Variants in CNTNAP2 observed in about 807,000 individuals in gnomAD.
CNTNAP2 encodes the protein contactin-associated protein-like 2.
Under a neutral mutation model 155.2 loss-of-function variants are expected in CNTNAP2, and 98 were observed. The ratio of observed to expected loss-of-function variants is 0.63; its 90% CI spans 0.54 to 0.75. The LOEUF (loss-of-function observed/expected upper bound fraction) is 0.75, where lower values mean the gene tolerates loss of function less well. CNTNAP2 is among the 30% of genes least tolerant of loss of function. CNTNAP2 has a pLI of 0.00. For missense variants in CNTNAP2, 1,727 were observed against 1,688.1 expected (o/e 1.02, Z -0.40); for synonymous variants, 651 against 631.2 (o/e 1.03, Z -0.47).
At chr7:147,303,606 C>G (rs1794979923) in intron 9 of CNTNAP2, among the ~76,000 whole-genome samples, 1 of 152,184 alleles carries the variant, frequency 6.6e-6, no homozygotes, top group Non-Finnish European at 1.5e-5. Flanking sequence ...TGTTCTAAAA[C>G]ACGAGCTTTG....
intron 8 of CNTNAP2, among the ~76,000 whole-genome samples, chr7:147,230,109 A>G (rs1253660428): frequency 2.0e-5 from 3 of 152,214 alleles, no homozygotes; most frequent in South Asian, 2.1e-4. Flanking sequence ...CACATGTTAA[A>G]TGAAGAACAC....
chr7:147,612,521 C>T (rs1050090322), intron 12 of CNTNAP2, among the ~76,000 whole-genome samples: 4 of 151,688 alleles, frequency 2.6e-5, no homozygotes, highest in African/African-American at 9.7e-5. Context: ...CTGCCTCAGC[C>T]TCTTAAGTAG....
intron 1 of CNTNAP2, among the ~76,000 whole-genome samples, chr7:146,634,245 C>T (rs924171659): frequency 1.3e-5 from 2 of 152,164 alleles, no homozygotes; most frequent in South Asian, 4.1e-4. Flanking sequence ...GAGTATTTTA[C>T]TTCAAAATAT....
intron 1 of CNTNAP2, among the ~76,000 whole-genome samples, chr7:146,692,046 G>C (rs751070122): frequency 1.3e-5 from 2 of 152,072 alleles, no homozygotes; most frequent in Non-Finnish European, 2.9e-5. Context: ...AAATTGGTCA[G>C]AGATGACAGT....
chr7:147,587,752 G>T (rs1800658364), intron 12 of CNTNAP2, among the ~76,000 whole-genome samples: 1 of 152,136 alleles, frequency 6.6e-6, no homozygotes, highest in Admixed American at 6.6e-5. Flanking sequence ...TATTTTACTT[G>T]GAACCTTATG....
chr7:148,150,102 CAA>C (rs71188948), intron 17 of CNTNAP2, among the ~76,000 whole-genome samples: 1,053 of 84,428 alleles, frequency 0.012, 4 homozygotes, highest in African/African-American at 0.04. Context: ...GGGGTTGTTA[CAA>C]AAAAAAAAAA....
At chr7:146,483,166 C>T (rs1584945702) in intron 1 of CNTNAP2, among the ~76,000 whole-genome samples, 1 of 149,532 alleles carries the variant, frequency 6.7e-6, no homozygotes, top group Admixed American at 6.7e-5. Flanking sequence ...GTCTCAGCTA[C>T]TCGGGGGGCT....
At chr7:146,233,538 A>C (rs1450825468) in intron 1 of CNTNAP2, among the ~76,000 whole-genome samples, 1 of 152,014 alleles carries the variant, frequency 6.6e-6, no homozygotes, top group Non-Finnish European at 1.5e-5. Flanking sequence ...ATATGTATAC[A>C]TGTGCCATGC....
intron 21 of CNTNAP2, among the ~76,000 whole-genome samples, chr7:148,342,706 C>T (rs577159854): frequency 6.6e-6 from 1 of 152,294 alleles, no homozygotes; most frequent in Admixed American, 6.5e-5. Flanking sequence ...TTCATTGTGG[C>T]CACAGGAAGA....
chr7:146,999,438 A>G (rs948817644), intron 3 of CNTNAP2, among the ~76,000 whole-genome samples: 1 of 152,008 alleles, frequency 6.6e-6, no homozygotes, highest in Non-Finnish European at 1.5e-5. Context: ...TTGCTACACC[A>G]TCATAGAGTA....
At chr7:146,400,201 A>G (rs747573377) in intron 1 of CNTNAP2, among the ~76,000 whole-genome samples, 2 of 151,974 alleles carry the variant, frequency 1.3e-5, no homozygotes, top group Non-Finnish European at 2.9e-5. Context: ...TTAACTATTC[A>G]TGGAAACTTC....
intron 3 of CNTNAP2, among the ~76,000 whole-genome samples, chr7:146,887,477 C>G (rs1468691860): frequency 6.6e-6 from 1 of 152,104 alleles, no homozygotes; most frequent in East Asian, 1.9e-4. Flanking sequence ...TTATTTATCT[C>G]ATTTAATTGT....
intron 1 of CNTNAP2, among the ~76,000 whole-genome samples, chr7:146,435,378 A>G (rs1332156832): frequency 6.6e-6 from 1 of 152,194 alleles, no homozygotes; most frequent in Non-Finnish European, 1.5e-5. Context: ...CTGCTAAAAA[A>G]CTGTGCCCAA....
At chr7:147,650,000 A>T (rs1379833711) in intron 13 of CNTNAP2, among the ~76,000 whole-genome samples, 1 of 152,100 alleles carries the variant, frequency 6.6e-6, no homozygotes, top group African/African-American at 2.4e-5. Flanking sequence ...TTTTGCTTCC[A>T]TCTGTACATA....
intron 21 of CNTNAP2, among the ~76,000 whole-genome samples, chr7:148,293,000 T>C (rs7809710): frequency 0.4 from 60,387 of 151,412 alleles, 12,631 homozygotes; most frequent in East Asian, 0.65. Context: ...TTTCCCAGTG[T>C]TAAATTATGG....
chr7:146,506,937 A>G (rs1280444295), intron 1 of CNTNAP2, among the ~76,000 whole-genome samples: 8 of 152,130 alleles, frequency 5.3e-5, no homozygotes, highest in African/African-American at 1.9e-4. Flanking sequence ...GTAATGGCTC[A>G]GTGTTTAGGG....
intron 10 of CNTNAP2, among the ~76,000 whole-genome samples, chr7:147,425,624 C>T (rs1563199826): frequency 6.6e-6 from 1 of 152,216 alleles, no homozygotes; most frequent in East Asian, 1.9e-4. Context: ...GGCTACCTAA[C>T]TTCTGGATCT....
At chr7:147,642,797 A>G (rs1342220667) in intron 13 of CNTNAP2, among the ~76,000 whole-genome samples, 4 of 152,338 alleles carry the variant, frequency 2.6e-5, no homozygotes, top group Admixed American at 1.3e-4. Flanking sequence ...CATAATAAAT[A>G]ATACTTCAAA....
At chr7:147,944,788 TAACAA>T (rs1800790362) in intron 14 of CNTNAP2, among the ~76,000 whole-genome samples, 1 of 152,166 alleles carries the variant, frequency 6.6e-6, no homozygotes, top group Non-Finnish European at 1.5e-5. Flanking sequence ...ACTTTGACAA[TAACAA>T]ATTATTTTTC....
Sources: allele counts gnomAD v4.1 joint callset (sites outside exome capture counted in the v4.1 genomes callset), GRCh38; gene constraint gnomAD v4.1.1; transcripts MANE v1.5; gene names NCBI Gene and HGNC (gene_info 2026-07-23, HGNC 2026-07-21).